The following FBXL7 variants were observed in gnomAD, a reference collection of about 807,000 sequenced individuals.
FBXL7 encodes F-box and leucine rich repeat protein 7.
Under a neutral mutation model 38.3 loss-of-function variants are expected in FBXL7, and 12 were observed. The ratio of observed to expected loss-of-function variants is 0.31; its 90% CI spans 0.20 to 0.51. The LOEUF is 0.51. Ranked by LOEUF, FBXL7 falls within the 20% of genes least tolerant of loss-of-function variation. The pLI, the probability that FBXL7 is intolerant of heterozygous loss-of-function variation, is 0.98. For missense variants in FBXL7, 567 were observed against 676.4 expected (o/e 0.84, Z 1.79); for synonymous variants, 297 against 300.9 (o/e 0.99, Z 0.13).
chr5:15,643,688 A>C (rs998677721), intron 2 of FBXL7, among the ~76,000 whole-genome samples: 10 of 152,316 alleles, frequency 6.6e-5, no homozygotes, highest in African/African-American at 2.4e-4. Context: ...TGCTTCTCTC[A>C]ATACAAGGTT....
In FBXL7 at chr5:15,759,834, G is replaced by A. The variant is rs73072010; in HGVS notation, c.127+143762G>A. Among the ~76,000 whole-genome samples, 546 of 152,258 alleles carry A rather than the reference G, an allele frequency of 3.6e-3. 4 individuals are homozygous for A. The highest frequency in any genetic ancestry group is 0.013 in the African/African-American group (525 of 41,560). ...AAATTCCATTGCATGCTGGTGTCTG[G>A]TCATAGGATCTGAATGTCTAGTTAG... On this transcript the variant is annotated intron_variant, in intron 2 of 3. Transcript: ENST00000504595.
chr5:15,777,468 G>A (rs1736884061), intron 2 of FBXL7, among the ~76,000 whole-genome samples: 1 of 151,994 alleles, frequency 6.6e-6, no homozygotes, highest in South Asian at 2.1e-4. Flanking sequence ...AGGCAAAAGA[G>A]TGAAATTGAC....
chr5:15,913,110 T>A (rs984778730), intron 2 of FBXL7, among the ~76,000 whole-genome samples: 1 of 152,204 alleles, frequency 6.6e-6, no homozygotes, highest in Admixed American at 6.5e-5. Flanking sequence ...AAAATGTTAA[T>A]GGGAATGTGG....
intron 2 of FBXL7, among the ~76,000 whole-genome samples, chr5:15,668,943 A>G (rs1242433553): frequency 6.6e-6 from 1 of 152,206 alleles, no homozygotes; most frequent in Non-Finnish European, 1.5e-5. Flanking sequence ...CTATCTGAGG[A>G]CTGTTACCAT....
intron 2 of FBXL7, among the ~76,000 whole-genome samples, chr5:15,819,938 A>G (rs1385489776): frequency 1.3e-5 from 2 of 152,200 alleles, no homozygotes; most frequent in Non-Finnish European, 2.9e-5. Context: ...GCCTGCAGCA[A>G]AGCTCTTCTG....
chr5:15,809,756 A>AC (rs1737808785), intron 2 of FBXL7, among the ~76,000 whole-genome samples: 1 of 152,230 alleles, frequency 6.6e-6, no homozygotes, highest in Non-Finnish European at 1.5e-5. Flanking sequence ...ACTCTGAGGC[A>AC]CTAAGCTAAA....
chr5:15,604,090 C>T (rs1239540516), intron 1 of FBXL7, among the ~76,000 whole-genome samples: 4 of 152,062 alleles, frequency 2.6e-5, no homozygotes, highest in African/African-American at 9.7e-5. Context: ...AAGCTGAGAT[C>T]CAGAAGGTAG....
chr5:15,809,181 A>C lies in FBXL7; in HGVS notation c.128-118709A>C, dbSNP rs1449166637. Among the ~76,000 whole-genome samples the C allele has an allele frequency of 2.0e-5, 3 of 152,176 alleles. No homozygotes were observed. The East Asian group carries it at 5.8e-4, about 29-fold the overall frequency. ...AAACATCTGTGGACGCCTGTTCTCA[A>C]GCAGGATGGTGTGTGCCTATTTTTT... On this transcript the variant is annotated intron_variant, in intron 2 of 3. Coordinates refer to ENST00000504595, the MANE Select transcript of FBXL7 (RefSeq NM_012304.5).
chr5:15,737,811 A>G (rs757315786), intron 2 of FBXL7, among the ~76,000 whole-genome samples: 8 of 152,190 alleles, frequency 5.3e-5, no homozygotes, highest in Non-Finnish European at 7.3e-5. Flanking sequence ...CTAACATTGC[A>G]AAGATTGACA....
intron 1 of FBXL7, among the ~76,000 whole-genome samples, chr5:15,511,313 G>A (rs1446271161): frequency 6.6e-6 from 1 of 152,206 alleles, no homozygotes; most frequent in Non-Finnish European, 1.5e-5. Flanking sequence ...AGAGTTCACA[G>A]AGTGAAAGTA....
At chr5:15,922,615 G>T (rs1297374091) in intron 2 of FBXL7, among the ~76,000 whole-genome samples, 1 of 152,138 alleles carries the variant, frequency 6.6e-6, no homozygotes, top group African/African-American at 2.4e-5. Flanking sequence ...TTTAATTCCA[G>T]ATAGAAGCTT....
intron 2 of FBXL7, among the ~76,000 whole-genome samples, chr5:15,767,103 T>C (rs1433612476): frequency 6.6e-6 from 1 of 152,214 alleles, no homozygotes; most frequent in Non-Finnish European, 1.5e-5. Flanking sequence ...TATCAACCCT[T>C]CAGCTAGTTA....
chr5:15,874,540 CCTT>C (rs1237897032), intron 2 of FBXL7, among the ~76,000 whole-genome samples: 1 of 152,174 alleles, frequency 6.6e-6, no homozygotes, highest in African/African-American at 2.4e-5. Context: ...CCCAGAAACT[CCTT>C]AAGCTGATAA....
intron 2 of FBXL7, among the ~76,000 whole-genome samples, chr5:15,635,493 G>C (rs1741150662): frequency 6.6e-6 from 1 of 152,202 alleles, no homozygotes. Flanking sequence ...CCTGATTTCA[G>C]GGAGAGGGAA....
At chr5:15,797,208 A>C (rs987009261) in intron 2 of FBXL7, among the ~76,000 whole-genome samples, 1 of 152,218 alleles carries the variant, frequency 6.6e-6, no homozygotes, top group Admixed American at 6.5e-5. Flanking sequence ...TGGGCACAGC[A>C]TACAAGACTA....
intron 2 of FBXL7, among the ~76,000 whole-genome samples, chr5:15,640,845 C>A (rs1741344092): frequency 1.3e-5 from 2 of 152,118 alleles, no homozygotes; most frequent in Admixed American, 6.6e-5. Flanking sequence ...TTTAACATAT[C>A]TTTATAGGGG....
intron 2 of FBXL7, among the ~76,000 whole-genome samples, chr5:15,710,576 GTC>G (rs1416598655): frequency 6.6e-6 from 1 of 152,130 alleles, no homozygotes; most frequent in African/African-American, 2.4e-5. Context: ...TTTGATTAAT[GTC>G]TCTCTCTTCC....
At chr5:15,870,723 A>T (rs1254610965) in intron 2 of FBXL7, among the ~76,000 whole-genome samples, 9 of 152,234 alleles carry the variant, frequency 5.9e-5, no homozygotes, top group Non-Finnish European at 1.3e-4. Context: ...AGCCCACCAC[A>T]GTGCCACAGA....
chr5:15,729,686 T>C (rs1735520363), intron 2 of FBXL7, among the ~76,000 whole-genome samples: 1 of 152,094 alleles, frequency 6.6e-6, no homozygotes, highest in Non-Finnish European at 1.5e-5. Flanking sequence ...TAATTAAGCG[T>C]TAATAAACAG....
Sources: allele counts gnomAD v4.1 joint callset (sites outside exome capture counted in the v4.1 genomes callset), GRCh38; gene constraint gnomAD v4.1.1; transcripts MANE v1.5; gene names NCBI Gene and HGNC (gene_info 2026-07-23, HGNC 2026-07-21).